The following UBP1 variants were observed in gnomAD, a reference collection of about 807,000 sequenced individuals.
The protein encoded by UBP1 is upstream-binding protein 1.
A neutral mutation model predicts 76.1 loss-of-function variants in UBP1; 22 were observed. That is an observed-to-expected ratio of 0.29 (90% CI 0.21 to 0.41). The LOEUF is 0.41. UBP1 is among the 10% of genes least tolerant of loss of function. UBP1 has a pLI of 1.00. For synonymous variants in UBP1, 224 were observed against 237.1 expected (o/e 0.94, Z 0.51); for missense variants, 436 against 668.1 (o/e 0.65, Z 3.83).
At chr3:33,432,149 C>T (rs754239617) in intron 1 of UBP1, among the ~76,000 whole-genome samples, 1 of 151,906 alleles carries the variant, frequency 6.6e-6, no homozygotes, top group South Asian at 2.1e-4. Flanking sequence ...GGTGAAACCC[C>T]GTCTCTACAA....
At chr3:33,439,641 C>A in intron 1 of UBP1, 95 bp downstream of exon 1, 6 of 1,373,974 alleles carry the variant, frequency 4.4e-6, no homozygotes, top group Non-Finnish European at 6.0e-6. Flanking sequence ...GAGGCCCGCG[C>A]ACCTCTGGGA....
rs2043986655 is a variant in UBP1, at chr3:33,396,188, C to T, written c.1364G>A (p.Ser455Asn). 2 of 1,593,276 alleles carry T rather than the reference C, an allele frequency of 1.3e-6. No individual in the cohort carries two copies. The highest frequency in any genetic ancestry group is 1.3e-5 in the African/African-American group (1 of 74,620). The change falls in exon 13 of 16, where the codon AGC becomes AAC. Residue 455 changes from serine to asparagine, a missense_variant. Coordinates refer to ENST00000283629, the MANE Select transcript of UBP1 (RefSeq NM_014517.5). ...QGQQQAASSA[S>N]ENGSGAPYVY... is the part of the protein sequence containing the mutation. ...ATAGGGTGCCCCACTGCCATTCTCG[C>T]TTGCACTGCTTGCAGCTTGCTGCTG...
chr3:33,396,318 A>G, intron 12 of UBP1, 38 bp from the exon 13 acceptor site: 1 of 1,489,626 alleles, frequency 6.7e-7, no homozygotes, highest in Non-Finnish European at 9.2e-7. Context: ...CCTGGGAGAG[A>G]AAGCTGCCTT....
At chr3:33,421,916 T>G (rs1373008113) in intron 2 of UBP1, among the ~76,000 whole-genome samples, 1 of 152,176 alleles carries the variant, frequency 6.6e-6, no homozygotes. Context: ...TGGTGGCATG[T>G]GCCCATAGTC....
chr3:33,420,195 G>A (rs2044850169), intron 2 of UBP1, among the ~76,000 whole-genome samples: 1 of 152,274 alleles, frequency 6.6e-6, no homozygotes, highest in African/African-American at 2.4e-5. Context: ...AACATGAACT[G>A]AAACTAACCA....
rs2045264735 is a variant in UBP1 at position 33,439,917 on chromosome 3, T to C, written c.-69A>G. 1 of 1,563,796 alleles carries C rather than the reference T, an allele frequency of 6.4e-7. No homozygotes were observed. The highest frequency in any genetic ancestry group is 1.1e-5 in the South Asian group (1 of 88,266). On this transcript the variant is annotated 5_prime_UTR_variant, in exon 1 of 16. Transcript: ENST00000283629. The stretch of plus-strand genomic sequence containing the variant: ...CAGGGCGAAGGAGCCGGAGCTCCGC[T>C]GGCGCGTCCTGGGGGAGGGCGCGGG...
intron 8 of UBP1, among the ~76,000 whole-genome samples, chr3:33,406,249 AT>A (rs1447182840): frequency 6.6e-6 from 1 of 152,166 alleles, no homozygotes; most frequent in Non-Finnish European, 1.5e-5. Flanking sequence ...TCTCAAAAAA[AT>A]AAATAAATAA....
In UBP1 at chr3:33,439,821, C is replaced by T. The variant is rs1172756880; in HGVS notation, c.28G>A (p.Val10Met). The change falls in exon 1 of 16, where the codon GTG becomes ATG. Residue 10 changes from valine (V) to methionine (M), a missense_variant. Around this residue, in one of 3 missense-constraint regions of UBP1, gnomAD observed 161 missense variants for 237.9 expected, o/e 0.68. Transcript: ENST00000283629. MAWVLKMDE[V>M]IESGLVHDFD... is the part of the protein sequence containing the mutation. ...TCGTGCACCAGCCCGGACTCGATCA[C>T]CTCGTCCATCTTGAGCACCCAGGCC... 6 of 1,612,484 alleles carry T rather than the reference C, an allele frequency of 3.7e-6. No homozygotes were observed. Among genetic ancestry groups the T allele is most frequent in the Non-Finnish European group, 2.5e-6 (3 of 1,179,652 alleles).
chr3:33,418,332 C>A (rs1193208883), intron 2 of UBP1, among the ~76,000 whole-genome samples: 2 of 152,056 alleles, frequency 1.3e-5, no homozygotes, highest in African/African-American at 4.8e-5. Context: ...CGGCTCACTG[C>A]AACCTCCACC....
At chr3:33,424,843 T>A (rs2044985100) in intron 2 of UBP1, among the ~76,000 whole-genome samples, 1 of 152,164 alleles carries the variant, frequency 6.6e-6, no homozygotes, top group Non-Finnish European at 1.5e-5. Flanking sequence ...GTCAGGAGTC[T>A]GAGACTAGCC....
At chr3:33,432,764 G>C (rs2045135078) in intron 1 of UBP1, among the ~76,000 whole-genome samples, 1 of 152,170 alleles carries the variant, frequency 6.6e-6, no homozygotes, top group Non-Finnish European at 1.5e-5. Flanking sequence ...TCCTGGATTG[G>C]AATCTGAAAG....
At chr3:33,439,635 C>A in intron 1 of UBP1, 101 bp downstream of exon 1, 2 of 1,318,368 alleles carry the variant, frequency 1.5e-6, no homozygotes, top group Non-Finnish European at 1.0e-6. Flanking sequence ...GCCCAGGAGG[C>A]CCGCGCACCT....
rs1351040049 is a variant in UBP1, at chr3:33,426,028, TATATATATATAG to T, written c.114-299_114-288del. Among the ~76,000 whole-genome samples the T allele has an allele frequency of 2.4e-3, 200 of 84,776 alleles. 4 individuals are homozygous for T. The highest frequency in any genetic ancestry group is 0.016 in the Admixed American group (100 of 6,268). 55.6% of individuals were successfully genotyped at this position (84,776 alleles called of 152,430 possible). A position where few individuals can be genotyped will look rare whatever the true frequency, so the allele number is the denominator to read the frequency against. On this transcript the variant is annotated intron_variant, in intron 1 of 15. Transcript: ENST00000283629. The stretch of plus-strand genomic sequence containing the variant: ...ATATATATATATATATATATATATA[TATATATATATAG>T]CACTTTAAAAACTTCTTTTAAAACT...
At chr3:33,410,435 T>C (rs2044551487) in intron 5 of UBP1, among the ~76,000 whole-genome samples, 1 of 152,204 alleles carries the variant, frequency 6.6e-6, no homozygotes, top group Non-Finnish European at 1.5e-5. Context: ...ACACCAACAG[T>C]ATGAGTTTAC....
chr3:33,392,290 A>G (rs2043799781), intron 15 of UBP1: 1 of 342,508 alleles, frequency 2.9e-6, no homozygotes, highest in Non-Finnish European at 5.3e-6. Flanking sequence ...AGATCCACTG[A>G]GCGACAGAAG....
chr3:33,425,816 C>T (rs1488992872), intron 1 of UBP1, 75 bp from the exon 2 acceptor site: 6 of 1,340,802 alleles, frequency 4.5e-6, no homozygotes, highest in Non-Finnish European at 6.1e-6. Flanking sequence ...ATCCTGAATG[C>T]ACCCAATCTT....
Position 33,408,751 on chromosome 3 carries a change from T to G in UBP1, c.866A>C (p.Lys289Thr). Residue 289 changes from lysine to threonine, a missense_variant, in exon 8 of 16, where the codon AAA becomes ACA. By Grantham distance (78) the Lys-to-Thr change is moderately conservative. Coordinates refer to ENST00000283629, the MANE Select transcript of UBP1 (RefSeq NM_014517.5). ...IIEDAVEHEQ[K>T]KSSKRTLPAD... is the part of the protein sequence containing the mutation. ...TGGCAAAGTCCGCTTGCTGGACTTT[T>G]TCTGCTCATGTTCAACTGCATCTTC... 6.2e-7 allele frequency: 1 copy of G among 1,614,078 alleles called. No individual in the cohort carries two copies. The highest frequency in any genetic ancestry group is 8.5e-7 in the Non-Finnish European group (1 of 1,179,954).
At chr3:33,409,809 TTC>T (rs1283424544) in intron 5 of UBP1, among the ~76,000 whole-genome samples, 1 of 152,222 alleles carries the variant, frequency 6.6e-6, no homozygotes, top group African/African-American at 2.4e-5. Flanking sequence ...TCTCCAGACT[TTC>T]TGAGCTCTTG....
chr3:33,393,538 G>A (rs1045591881), intron 13 of UBP1, 84 bp from the exon 14 acceptor site: 1 of 1,335,880 alleles, frequency 7.5e-7, no homozygotes, highest in Admixed American at 2.8e-5. Flanking sequence ...TCTGTACGAA[G>A]GTCACACCTT....
Sources: allele counts gnomAD v4.1 joint callset (sites outside exome capture counted in the v4.1 genomes callset), GRCh38; gene constraint gnomAD v4.1.1; regional missense constraint gnomAD v4.1.1; transcripts MANE v1.5; gene names NCBI Gene and HGNC (gene_info 2026-07-23, HGNC 2026-07-21).